CELSR2: variants seen among roughly 807,000 people sequenced by gnomAD.
CELSR2 encodes cadherin EGF LAG seven-pass G-type receptor 2, also known as EGF-like protein 2.
A neutral mutation model predicts 251.6 loss-of-function variants in CELSR2; 81 were observed. That is an observed-to-expected ratio of 0.32 (90% CI 0.27 to 0.39). CELSR2 has a LOEUF of 0.39. Ranked by LOEUF, CELSR2 falls within the 10% of genes least tolerant of loss-of-function variation. The pLI, the probability that CELSR2 is intolerant of heterozygous loss-of-function variation, is 1.00. For missense variants in CELSR2, 3,365 were observed against 3,947.7 expected (o/e 0.85, Z 3.96); for synonymous variants, 1,721 against 1,670.5 (o/e 1.03, Z -0.74).
At position 109,251,246 on chromosome 1, in the gene CELSR2, G is replaced by T; in HGVS notation, c.1167G>T (p.Val389=). Reference sequence around the variant, plus strand: ...CCACAGCCGCTGTTTTCCTTTCTGTGGAGGATGACAATGATAATGCCCCCC... The same window carrying T: ...CCACAGCCGCTGTTTTCCTTTCTGTTGAGGATGACAATGATAATGCCCCCC... ...RSTTAAVFLS[V]EDDNDNAPQF... The change falls in exon 1 of 34, where the codon GTG becomes GTT. Residue 389 remains valine, a synonymous_variant. Transcript: ENST00000271332. This position sits in a 1 kb window ranked among gnomAD's most constrained non-coding sequence, Gnocchi z 4.9. The T allele has an allele frequency of 6.2e-7, 1 of 1,614,138 alleles. No homozygotes were observed. Among genetic ancestry groups the T allele is most frequent in the Non-Finnish European group, 8.5e-7 (1 of 1,180,020 alleles).
Position 109,273,150 on chromosome 1 carries a change from T to A in CELSR2, c.8339-16T>A. ...TCTGCCCTCTGTGGGCCTCATCTAC[T>A]TCCTTTCCCCACCAGATGGGGGCCC... is the stretch of plus-strand genomic sequence containing the variant. On this transcript the variant is annotated splice_polypyrimidine_tract_variant and intron_variant, in intron 31 of 33. Coordinates refer to ENST00000271332, the MANE Select transcript of CELSR2 (RefSeq NM_001408.3). 1.9e-6 allele frequency: 3 copies of A among 1,610,620 alleles called. No individual in the cohort carries two copies. Among genetic ancestry groups the A allele is most frequent in the Non-Finnish European group, 2.5e-6 (3 of 1,178,782 alleles).
chr1:109,255,100 C>T (rs996234547), intron 1 of CELSR2, among the ~76,000 whole-genome samples: 1 of 152,216 alleles, frequency 6.6e-6, no homozygotes, highest in African/African-American at 2.4e-5. Context: ...GACGGCTCCT[C>T]CTGGCCCGGC....
In CELSR2 at chr1:109,270,525, G is replaced by C. The variant is rs532600168; in HGVS notation, c.7408G>C (p.Glu2470Gln). 2.5e-6 allele frequency: 4 copies of C among 1,614,210 alleles called. No individual in the cohort carries two copies. In the South Asian group the frequency reaches 3.3e-5, roughly 13 times the overall value. The part of the protein sequence containing the change: ...EALHLYRALT[E>Q]VRDVNTGPMR... The stretch of plus-strand genomic sequence containing the variant: ...CTTGCACCTGTACCGGGCACTCACT[G>C]AGGTGCGCGATGTCAACACCGGCCC... The change falls in exon 24 of 34, where the codon GAG (glutamate) becomes CAG (glutamine). Residue 2470 changes from glutamate to glutamine, a missense_variant. Glu to Gln is a conservative substitution (Grantham distance 29, BLOSUM62 2). This residue lies in a region of CELSR2 where 2,093 missense variants were observed against 2,382.8 expected (regional missense o/e 0.88). Coordinates refer to ENST00000271332, the MANE Select transcript of CELSR2 (RefSeq NM_001408.3).
At position 109,261,466 on chromosome 1, in the gene CELSR2, C is replaced by A; in HGVS notation, c.4182-47C>A. ...GGTTAGGTGGCGGGGGTGCTGGCATCCAGGTGGGTACCCCATTCCCTGCCC... is the reference window on the plus strand; with the variant it reads ...GGTTAGGTGGCGGGGGTGCTGGCATACAGGTGGGTACCCCATTCCCTGCCC... On this transcript the variant is annotated intron_variant, in intron 3 of 33. Transcript: ENST00000271332. The surrounding 1 kb of genome is among the most constrained non-coding windows in gnomAD (Gnocchi z 4.8). 1 of 1,564,200 alleles carries A rather than the reference C, an allele frequency of 6.4e-7. No homozygotes were observed. The highest frequency in any genetic ancestry group is 8.8e-7 in the Non-Finnish European group (1 of 1,134,720).
chr1:109,265,355 T>C (rs1173312929), intron 13 of CELSR2, 44 bp downstream of exon 13: 2 of 1,557,038 alleles, frequency 1.3e-6, no homozygotes. Flanking sequence ...CTTGGGCCTC[T>C]GTCCACATCT....
intron 17 of CELSR2, among the ~76,000 whole-genome samples, chr1:109,268,368 T>C (rs1352489085): frequency 6.6e-6 from 1 of 152,064 alleles, no homozygotes; most frequent in African/African-American, 2.4e-5. Flanking sequence ...GGGAAGCTCT[T>C]ATGTAGAGAA....
In CELSR2 at chr1:109,258,869, G is replaced by C; in HGVS notation, c.3748G>C (p.Asp1250His). 6.2e-7 allele frequency: 1 copy of C among 1,612,360 alleles called. No individual in the cohort carries two copies. Residue 1250 changes from aspartate (D) to histidine (H), a missense_variant, in exon 2 of 34, where the codon GAC (aspartate) becomes CAC (histidine). By Grantham distance (81) the Asp-to-His change is moderately conservative. This residue lies in a region of CELSR2 where 2,093 missense variants were observed against 2,382.8 expected (regional missense o/e 0.88). Transcript: ENST00000271332. Reference sequence around the variant, plus strand: ...GCGCTGCGTGTCGGTGCTGCGCTTCGACTCCTCCGCGCCCTTCATCGCCTC... The same window carrying C: ...GCGCTGCGTGTCGGTGCTGCGCTTCCACTCCTCCGCGCCCTTCATCGCCTC... ...YMRCVSVLRF[D>H]SSAPFIASSS...
intron 8 of CELSR2, 108 bp from the exon 9 acceptor site, chr1:109,263,503 T>C: frequency 2.0e-6 from 3 of 1,484,348 alleles, no homozygotes; most frequent in Non-Finnish European, 2.8e-6. Flanking sequence ...GCGGGGCTGA[T>C]GAGGGGAGTG....
chr1:109,263,952 G>A (rs1347334851), intron 9 of CELSR2, 126 bp from the exon 10 acceptor site: 8 of 1,407,774 alleles, frequency 5.7e-6, no homozygotes, highest in South Asian at 2.8e-5. Flanking sequence ...AAATAAATAC[G>A]CTTTCCTCTC....
At position 109,261,016 on chromosome 1, in the gene CELSR2, A is replaced by G; in HGVS notation, c.3959-26A>G. Reference sequence around the variant, plus strand: ...CCCCTCCTGTCCTCAGGTACTTGGTACTCACCTGCCTTTCCTCTTGTCCAG... The same window carrying G: ...CCCCTCCTGTCCTCAGGTACTTGGTGCTCACCTGCCTTTCCTCTTGTCCAG... On this transcript the variant is annotated intron_variant, in intron 2 of 33. Transcript: ENST00000271332. The surrounding 1 kb of genome is among the most constrained non-coding windows in gnomAD (Gnocchi z 4.8). The G allele has an allele frequency of 6.4e-7, 1 of 1,567,528 alleles. No homozygotes were observed. Among genetic ancestry groups the G allele is most frequent in the Non-Finnish European group, 8.7e-7 (1 of 1,145,850 alleles).
chr1:109,254,505 T>C (rs895183875), intron 1 of CELSR2, among the ~76,000 whole-genome samples: 1 of 152,150 alleles, frequency 6.6e-6, no homozygotes, highest in Non-Finnish European at 1.5e-5. Flanking sequence ...CCCAAGTTGC[T>C]GAGTGCCTTC....
chr1:109,252,240 G>A lies in CELSR2; in HGVS notation c.2161G>A (p.Val721Ile), dbSNP rs1444577029. The stretch of plus-strand genomic sequence containing the variant: ...TCAGAGCTCCCACTATACAGTGAAT[G>A]TTAATGAGGACCGGCCGGCAGGCAC... ...VFQSSHYTVNVNEDRPAGTTV... is the reference protein window; with the variant it reads ...VFQSSHYTVNINEDRPAGTTV... Residue 721 changes from valine to isoleucine, a missense_variant, in exon 1 of 34, where the codon GTT becomes ATT. Transcript: ENST00000271332. The surrounding 1 kb of genome is among the most constrained non-coding windows in gnomAD (Gnocchi z 4.8). The A allele has an allele frequency of 7.4e-6, 12 of 1,613,520 alleles. No individual in the cohort carries two copies. The highest frequency in any genetic ancestry group is 1.0e-5 in the Non-Finnish European group (12 of 1,180,040).
chr1:109,260,654 G>A (rs12094854), intron 2 of CELSR2, among the ~76,000 whole-genome samples: 1,753 of 152,236 alleles, frequency 0.012, 42 homozygotes, highest in African/African-American at 0.039. Flanking sequence ...CCCTCTTGGG[G>A]GCCAGGACAC....
Position 109,258,963 on chromosome 1 carries a change from C to T in CELSR2, c.3842C>T (p.Thr1281Met), listed in dbSNP as rs1289673929. The change falls in exon 2 of 34, where the codon ACG becomes ATG. Residue 1281 changes from threonine to methionine, a missense_variant. This residue lies in a region of CELSR2 where 2,093 missense variants were observed against 2,382.8 expected (regional missense o/e 0.88). Coordinates refer to ENST00000271332, the MANE Select transcript of CELSR2 (RefSeq NM_001408.3). ...CGCTGCCGCTGCCCGCCCGGCTTCA[C>T]GGGTGACTACTGCGAGACCGAGGTG... ...GLRCRCPPGF[T>M]GDYCETEVDL... 9 of 1,610,784 alleles carry T rather than the reference C, an allele frequency of 5.6e-6. No individual in the cohort carries two copies. The highest frequency in any genetic ancestry group is 4.0e-5 in the African/African-American group (3 of 74,938).
chr1:109,266,398 C>T (rs944660907), intron 15 of CELSR2, 192 bp downstream of exon 15: 1 of 661,766 alleles, frequency 1.5e-6, no homozygotes, highest in Non-Finnish European at 2.5e-6. Context: ...ACATCTTGGA[C>T]TGTTTTGTTT....
chr1:109,256,315 AGAC>A (rs1655844378), intron 1 of CELSR2, among the ~76,000 whole-genome samples: 1 of 152,140 alleles, frequency 6.6e-6, no homozygotes, highest in Admixed American at 6.5e-5. Context: ...AGCAGCTTTG[AGAC>A]GAGAGCAGGA....
At position 109,253,104 on chromosome 1, in the gene CELSR2, G is replaced by T; in HGVS notation, c.3025G>T (p.Val1009Phe). The part of the protein sequence containing the change: ...TSAPLVSRAT[V>F]HVRLLDRNDN... ...AGCTCCTCTGGTGAGCCGGGCTACA[G>T]TCCACGTCCGCCTCCTTGACCGCAA... The change falls in exon 1 of 34, where the codon GTC becomes TTC. Residue 1009 changes from valine to phenylalanine, a missense_variant. By Grantham distance (50) the Val-to-Phe change is conservative. Around this residue, in one of 5 missense-constraint regions of CELSR2, gnomAD observed 505 missense variants for 660.0 expected, o/e 0.77. Transcript: ENST00000271332. The T allele has an allele frequency of 2.5e-6, 4 of 1,613,866 alleles. No individual in the cohort carries two copies. Among genetic ancestry groups the T allele is most frequent in the Non-Finnish European group, 2.5e-6 (3 of 1,180,046 alleles).
Position 109,253,056 on chromosome 1 carries a change from G to C in CELSR2, c.2977G>C (p.Val993Leu), listed in dbSNP as rs988336317. The change falls in exon 1 of 34, where the codon GTC becomes CTC. Residue 993 changes from valine (V) to leucine (L), a missense_variant. Physicochemically the swap from Val to Leu is conservative, Grantham distance 32. Coordinates refer to ENST00000271332, the MANE Select transcript of CELSR2 (RefSeq NM_001408.3). The part of the protein sequence containing the change: ...DLDYEDRPEY[V>L]LVIQATSAPL... ...AGACTACGAGGACCGGCCTGAGTACGTCCTGGTCATCCAGGCCACGTCAGC... is the reference window on the plus strand; with the variant it reads ...AGACTACGAGGACCGGCCTGAGTACCTCCTGGTCATCCAGGCCACGTCAGC... The C allele has an allele frequency of 1.2e-6, 2 of 1,613,664 alleles. No individual in the cohort carries two copies. Among genetic ancestry groups the C allele is most frequent in the Non-Finnish European group, 1.7e-6 (2 of 1,180,030 alleles).
chr1:109,263,817 G>A, intron 9 of CELSR2, 40 bp downstream of exon 9: 3 of 1,600,944 alleles, frequency 1.9e-6, no homozygotes, highest in Non-Finnish European at 8.5e-7. Flanking sequence ...CCTGGCCATA[G>A]GGCCCTGGTA....
Sources: allele counts gnomAD v4.1 joint callset (sites outside exome capture counted in the v4.1 genomes callset), GRCh38; gene constraint gnomAD v4.1.1; regional missense constraint gnomAD v4.1.1; non-coding constraint Gnocchi (gnomAD v3.1); transcripts MANE v1.5; gene names NCBI Gene and HGNC (gene_info 2026-07-23, HGNC 2026-07-21).